Variants in VRK1 observed in about 807,000 individuals in gnomAD.
VRK1 encodes the protein serine/threonine-protein kinase VRK1.
Under a neutral mutation model 57.1 loss-of-function variants are expected in VRK1, and 33 were observed. The observed-to-expected ratio is 0.58, with a 90% CI of 0.44 to 0.77. The LOEUF is 0.77. VRK1 is among the 30% of genes least tolerant of loss of function. The pLI is 0.00. For synonymous variants in VRK1, 137 were observed against 147.8 expected (o/e 0.93, Z 0.53); for missense variants, 413 against 477.3 (o/e 0.87, Z 1.25).
At chr14:96,846,000 A>G (rs1004959553) in intron 3 of VRK1, 95 bp from the exon 4 acceptor site, 1 of 1,138,456 alleles carries the variant, frequency 8.8e-7, no homozygotes, top group Admixed American at 1.7e-5. Context: ...TACATTGGAC[A>G]GAAAAATAGA....
chr14:96,854,377 T>C (rs993938135), intron 7 of VRK1, among the ~76,000 whole-genome samples: 10 of 152,178 alleles, frequency 6.6e-5, no homozygotes, highest in African/African-American at 9.6e-5. Context: ...TTCAGACATA[T>C]GCTTTGGATG....
chr14:96,842,606 C>T (rs1211897041), intron 3 of VRK1, among the ~76,000 whole-genome samples: 3 of 152,070 alleles, frequency 2.0e-5, no homozygotes, highest in East Asian at 1.9e-4. Flanking sequence ...AAAAAACTTG[C>T]AAATGTTACG....
chr14:96,854,841 A>G (rs1422933137), intron 7 of VRK1, among the ~76,000 whole-genome samples: 1 of 152,182 alleles, frequency 6.6e-6, no homozygotes, highest in Non-Finnish European at 1.5e-5. Context: ...GGAAAGTAGC[A>G]GTTGTATTGC....
At position 96,876,129 on chromosome 14, in the gene VRK1, A is replaced by T. The variant is rs1025464271; in HGVS notation, c.1159+9A>T. The T allele has an allele frequency of 6.2e-7, 1 of 1,613,192 alleles. No homozygotes were observed. Among genetic ancestry groups the T allele is most frequent in the Non-Finnish European group, 8.5e-7 (1 of 1,179,430 alleles). On this transcript the variant is annotated intron_variant, in intron 12 of 12. Transcript: ENST00000216639. ...GGAGGCCATACAGACCCGTAAGTTG[A>T]ACAGTTTTGCCTAGCTGCTTTCATA...
Position 96,852,822 on chromosome 14 carries a change from T to C in VRK1, c.375-9T>C. 1 of 1,610,168 alleles carries C rather than the reference T, an allele frequency of 6.2e-7. No individual in the cohort carries two copies. On this transcript the variant is annotated splice_polypyrimidine_tract_variant and intron_variant, in intron 5 of 12. Coordinates refer to ENST00000216639, the MANE Select transcript of VRK1 (RefSeq NM_003384.3). ...ATTTTGTTCATTGGCTTTTCATATT[T>C]GTCTTCAGTTACAGGTTTATGATAA...
At chr14:96,872,347 G>GT (rs1367070078) in intron 11 of VRK1, among the ~76,000 whole-genome samples, 2 of 152,072 alleles carry the variant, frequency 1.3e-5, no homozygotes, top group East Asian at 3.9e-4. Flanking sequence ...TACTCTACAG[G>GT]TGCACATCTG....
intron 5 of VRK1, among the ~76,000 whole-genome samples, chr14:96,850,127 A>G (rs1379553200): frequency 6.6e-6 from 1 of 152,244 alleles, no homozygotes; most frequent in Non-Finnish European, 1.5e-5. Context: ...AAAAGATGGC[A>G]TTAGTCATAT....
intron 10 of VRK1, among the ~76,000 whole-genome samples, chr14:96,858,604 C>A (rs2139810200): frequency 6.6e-6 from 1 of 152,262 alleles, no homozygotes; most frequent in South Asian, 2.1e-4. Flanking sequence ...TTCCTATCCC[C>A]ATATTTATAT....
intron 9 of VRK1, 61 bp downstream of exon 9, chr14:96,856,311 A>G: frequency 6.3e-7 from 1 of 1,584,220 alleles, no homozygotes; most frequent in South Asian, 1.1e-5. Flanking sequence ...TTTTAGTCAC[A>G]ATTTCTTGAT....
At chr14:96,874,330 C>G (rs1013575562) in intron 11 of VRK1, among the ~76,000 whole-genome samples, 3 of 152,090 alleles carry the variant, frequency 2.0e-5, no homozygotes, top group Non-Finnish European at 2.9e-5. Context: ...CTAATGCACT[C>G]CATCAGTGCA....
chr14:96,856,119 T>TG lies in VRK1; in HGVS notation c.710-10dup. ...TTCAGTCTACCTAATGTTCTTCTCT[T>TG]GCATTTGTAGCCCCATCAAGACGTG... On this transcript the variant is annotated splice_polypyrimidine_tract_variant and intron_variant, in intron 8 of 12. Coordinates refer to ENST00000216639, the MANE Select transcript of VRK1 (RefSeq NM_003384.3). 6.2e-7 allele frequency: 1 copy of TG among 1,613,524 alleles called. No individual in the cohort carries two copies. The highest frequency in any genetic ancestry group is 8.5e-7 in the Non-Finnish European group (1 of 1,179,660).
intron 10 of VRK1, among the ~76,000 whole-genome samples, chr14:96,858,439 A>G (rs1257474723): frequency 6.6e-6 from 1 of 152,134 alleles, no homozygotes; most frequent in African/African-American, 2.4e-5. Context: ...TCATTTCTAT[A>G]TGATATTCTA....
Position 96,821,500 on chromosome 14 carries a change from T to A in VRK1, c.-5-11967T>A, listed in dbSNP as rs188861069. ...GGTTATTCTATACCCCTCTGTTTAGTGGCTAAAAAGTCATTGCTGTTTTCT... is the reference window on the plus strand; with the variant it reads ...GGTTATTCTATACCCCTCTGTTTAGAGGCTAAAAAGTCATTGCTGTTTTCT... On this transcript the variant is annotated intron_variant, in intron 1 of 12. Transcript: ENST00000216639. 8.8e-4 allele frequency among the ~76,000 whole-genome samples: 134 copies of A among 152,312 alleles called. 1 individual carries two copies. Among genetic ancestry groups the A allele is most frequent in the Admixed American group, 8.5e-3 (130 of 15,302 alleles).
chr14:96,806,487 G>A (rs1490777966), intron 1 of VRK1, among the ~76,000 whole-genome samples: 1 of 152,176 alleles, frequency 6.6e-6, no homozygotes, highest in Non-Finnish European at 1.5e-5. Flanking sequence ...GAGTGTGAAA[G>A]CTTTGAAAGT....
chr14:96,877,571 A>G lies in VRK1; in HGVS notation c.1159+1451A>G. On this transcript the variant is annotated intron_variant, in intron 12 of 12. Transcript: ENST00000216639. ...CCAGAGGCTAGCAGCAGCAGCTATGACAGTGAGTGGGAACAAAATTAAGGA... is the reference window on the plus strand; with the variant it reads ...CCAGAGGCTAGCAGCAGCAGCTATGGCAGTGAGTGGGAACAAAATTAAGGA... The G allele has an allele frequency of 2.3e-6, 3 of 1,289,582 alleles. No homozygotes were observed. In the South Asian group the frequency reaches 3.7e-5, roughly 16 times the overall value. The allele number at this position is 1,289,582 out of a possible 1,614,324, so 79.9% of individuals were successfully genotyped here. A position where few individuals can be genotyped will look rare whatever the true frequency, so the allele number is the denominator to read the frequency against.
chr14:96,833,373 A>C, intron 1 of VRK1, 94 bp from the exon 2 acceptor site: 1 of 1,461,674 alleles, frequency 6.8e-7, no homozygotes, highest in Admixed American at 1.9e-5. Context: ...TAGGAATTTG[A>C]ACAGCATCTC....
chr14:96,820,320 A>G (rs565344597), intron 1 of VRK1, among the ~76,000 whole-genome samples: 7 of 152,112 alleles, frequency 4.6e-5, no homozygotes, highest in Non-Finnish European at 1.0e-4. Flanking sequence ...GAATGACTGT[A>G]GAATGGTCAA....
chr14:96,831,157 A>G (rs533532280), intron 1 of VRK1, among the ~76,000 whole-genome samples: 3 of 152,220 alleles, frequency 2.0e-5, no homozygotes, highest in East Asian at 1.9e-4. Flanking sequence ...CAGAGGCACC[A>G]TACTTTCTTC....
At chr14:96,797,897 G>C (rs1885502151) in intron 1 of VRK1, among the ~76,000 whole-genome samples, 1 of 152,258 alleles carries the variant, frequency 6.6e-6, no homozygotes, top group South Asian at 2.1e-4. Flanking sequence ...ATGTTTTGCG[G>C]ATACGGAAAT....
Sources: allele counts gnomAD v4.1 joint callset (sites outside exome capture counted in the v4.1 genomes callset), GRCh38; gene constraint gnomAD v4.1.1; transcripts MANE v1.5; gene names NCBI Gene and HGNC (gene_info 2026-07-23, HGNC 2026-07-21).